Variants in KCNIP4 observed in about 807,000 individuals in gnomAD.
KCNIP4 encodes the protein potassium voltage-gated channel interacting protein 4.
In KCNIP4, 12 loss-of-function variants were observed where a neutral mutation model predicts 34.0. The observed-to-expected ratio is 0.35, with a 90% CI of 0.23 to 0.57. KCNIP4 has a LOEUF of 0.57. Among genes scored for constraint, KCNIP4 ranks in the 20% least tolerant of loss-of-function variants. The probability of loss-of-function intolerance (pLI) is 0.83; values close to 1 mark genes in which losing one functional copy is unlikely to be tolerated. For synonymous variants in KCNIP4, 124 were observed against 102.2 expected (o/e 1.21, Z -1.29); for missense variants, 238 against 311.7 (o/e 0.76, Z 1.78).
chr4:20,752,433 A>C (rs2149346647), intron 4 of KCNIP4: 1 of 152,298 alleles, frequency 6.6e-6, no homozygotes, highest in South Asian at 2.1e-4. Flanking sequence ...ATACTTATTA[A>C]AATTTCAGTA....
intron 3 of KCNIP4, among the ~76,000 whole-genome samples, chr4:20,803,074 CA>C (rs4054902): frequency 0.012 from 939 of 78,332 alleles, 4 homozygotes; most frequent in African/African-American, 0.034. Context: ...GACTCTGCCT[CA>C]AAAAAAAAAA....
intron 1 of KCNIP4, among the ~76,000 whole-genome samples, chr4:21,098,089 C>G (rs950656199): frequency 1.3e-5 from 2 of 152,100 alleles, no homozygotes; most frequent in African/African-American, 4.8e-5. Context: ...TCCCTTAAGC[C>G]AAAGTCAAAT....
At chr4:21,218,440 C>T (rs771930724) in intron 1 of KCNIP4, among the ~76,000 whole-genome samples, 14 of 152,026 alleles carry the variant, frequency 9.2e-5, no homozygotes, top group Non-Finnish European at 1.8e-4. Context: ...ATTTATTTGA[C>T]ATTTTCATCA....
intron 1 of KCNIP4, among the ~76,000 whole-genome samples, chr4:21,810,328 T>G (rs1560731249): frequency 6.6e-6 from 1 of 152,148 alleles, no homozygotes; most frequent in Non-Finnish European, 1.5e-5. Context: ...TGATCTCTCT[T>G]CAAAATCTTT....
chr4:21,782,240 A>G (rs1719618860), intron 1 of KCNIP4, among the ~76,000 whole-genome samples: 1 of 152,204 alleles, frequency 6.6e-6, no homozygotes, highest in Admixed American at 6.5e-5. Flanking sequence ...TATACGTGGA[A>G]AGTAAAAAGA....
chr4:20,778,726 A>G (rs1402934684), intron 3 of KCNIP4, among the ~76,000 whole-genome samples: 1 of 152,340 alleles, frequency 6.6e-6, no homozygotes, highest in African/African-American at 2.4e-5. Context: ...AACAATTTAA[A>G]TGACATGGTA....
chr4:21,839,162 T>C (rs978814875), intron 1 of KCNIP4, among the ~76,000 whole-genome samples: 1 of 152,184 alleles, frequency 6.6e-6, no homozygotes, highest in Non-Finnish European at 1.5e-5. Context: ...TTTTTTAGCA[T>C]ATATAAGTGT....
chr4:20,730,622 ATC>A (rs1241278586), intron 8 of KCNIP4, among the ~76,000 whole-genome samples: 6 of 152,152 alleles, frequency 3.9e-5, no homozygotes, highest in Non-Finnish European at 7.3e-5. Flanking sequence ...TGCAGTAATC[ATC>A]TCTCTTTCTG....
chr4:21,324,241 T>G (rs1439543647), intron 1 of KCNIP4, among the ~76,000 whole-genome samples: 1 of 152,042 alleles, frequency 6.6e-6, no homozygotes, highest in African/African-American at 2.4e-5. Flanking sequence ...TGCAGAAATA[T>G]TTTAATTTGA....
chr4:21,427,889 G>T (rs1307146789), intron 1 of KCNIP4, among the ~76,000 whole-genome samples: 1 of 152,048 alleles, frequency 6.6e-6, no homozygotes, highest in African/African-American at 2.4e-5. Context: ...ACAAATAAAG[G>T]CATACCAGCT....
chr4:20,975,669 T>C (rs969404480), intron 1 of KCNIP4, among the ~76,000 whole-genome samples: 4 of 152,094 alleles, frequency 2.6e-5, no homozygotes, highest in African/African-American at 9.7e-5. Flanking sequence ...TAGAAAAACC[T>C]AGTTAAATTT....
At chr4:20,874,629 A>G (rs1290138971) in intron 2 of KCNIP4, among the ~76,000 whole-genome samples, 2 of 151,608 alleles carry the variant, frequency 1.3e-5, no homozygotes, top group East Asian at 1.9e-4. Flanking sequence ...AAAAACCCGC[A>G]ATTTTCCTTT....
At chr4:21,078,656 G>A (rs1223705426) in intron 1 of KCNIP4, among the ~76,000 whole-genome samples, 1 of 151,974 alleles carries the variant, frequency 6.6e-6, no homozygotes, top group African/African-American at 2.4e-5. Context: ...CCATTGAGAA[G>A]AACAATACAA....
intron 1 of KCNIP4, among the ~76,000 whole-genome samples, chr4:21,729,127 AGC>A (rs1715407350): frequency 1.3e-5 from 2 of 152,128 alleles, no homozygotes; most frequent in African/African-American, 4.8e-5. Context: ...CTTAAATCTG[AGC>A]ACCTTCTACA....
chr4:21,417,952 A>T (rs1261202135), intron 1 of KCNIP4, among the ~76,000 whole-genome samples: 3 of 152,144 alleles, frequency 2.0e-5, no homozygotes, highest in African/African-American at 7.2e-5. Context: ...TTTAAAGGGA[A>T]TGCAGAAGCA....
chr4:21,070,809 G>A (rs541080155), intron 1 of KCNIP4, among the ~76,000 whole-genome samples: 16 of 151,090 alleles, frequency 1.1e-4, no homozygotes, highest in African/African-American at 3.6e-4. Flanking sequence ...CTGAGTAGCT[G>A]GGACTATAGG....
At chr4:21,606,202 T>C (rs1217131679) in intron 1 of KCNIP4, among the ~76,000 whole-genome samples, 1 of 152,152 alleles carries the variant, frequency 6.6e-6, no homozygotes, top group Non-Finnish European at 1.5e-5. Context: ...AGCTTCATAA[T>C]TTCTAAATAG....
At chr4:21,266,138 T>C (rs1761793020) in intron 1 of KCNIP4, among the ~76,000 whole-genome samples, 1 of 152,200 alleles carries the variant, frequency 6.6e-6, no homozygotes, top group South Asian at 2.1e-4. Flanking sequence ...CCCAAGTCTT[T>C]CCACATGTAC....
At chr4:21,676,251 T>A (rs888416441) in intron 1 of KCNIP4, among the ~76,000 whole-genome samples, 1 of 152,180 alleles carries the variant, frequency 6.6e-6, no homozygotes, top group African/African-American at 2.4e-5. Flanking sequence ...CACCTCACGT[T>A]TAACAAAGAT....
Sources: gnomAD v4.1 joint callset for allele counts (sites outside exome capture counted in the v4.1 genomes callset) on GRCh38, gnomAD v4.1.1 for gene constraint, MANE v1.5 for transcripts, NCBI Gene and HGNC (gene_info 2026-07-23, HGNC 2026-07-21) for gene names.